The following UNC5D variants were observed in gnomAD, a reference collection of about 807,000 sequenced individuals.
UNC5D encodes the protein unc-5 netrin receptor D, also known as netrin receptor UNC5D.
A neutral mutation model predicts 105.4 loss-of-function variants in UNC5D; 39 were observed. The ratio of observed to expected loss-of-function variants is 0.37; its 90% CI spans 0.29 to 0.48. The LOEUF (loss-of-function observed/expected upper bound fraction) is 0.48, where lower values mean the gene tolerates loss of function less well. Among genes scored for constraint, UNC5D ranks in the 20% least tolerant of loss-of-function variants. The pLI is 0.98. For missense variants in UNC5D, 991 were observed against 1,202.4 expected (o/e 0.82, Z 2.60); for synonymous variants, 452 against 450.4 (o/e 1.00, Z -0.04).
intron 2 of UNC5D, among the ~76,000 whole-genome samples, chr8:35,550,673 T>A (rs576764508): frequency 6.6e-5 from 10 of 152,324 alleles, no homozygotes; most frequent in African/African-American, 2.4e-4. Flanking sequence ...ATGAATGCTA[T>A]GCAGATGAAG....
At chr8:35,566,186 T>C (rs909356232) in intron 2 of UNC5D, among the ~76,000 whole-genome samples, 2 of 152,190 alleles carry the variant, frequency 1.3e-5, no homozygotes, top group African/African-American at 4.8e-5. Context: ...GGGTTCCTCC[T>C]ACAAATTTAG....
intron 1 of UNC5D, among the ~76,000 whole-genome samples, chr8:35,333,387 C>T (rs923215144): frequency 1.3e-5 from 2 of 152,126 alleles, no homozygotes; most frequent in Non-Finnish European, 2.9e-5. Flanking sequence ...TAGATAGGCC[C>T]CTTCCAAATC....
rs561160592 is a variant in UNC5D at position 35,263,343 on chromosome 8, C to T, written c.103+27456C>T. On this transcript the variant is annotated intron_variant, in intron 1 of 16. Transcript: ENST00000404895. The stretch of plus-strand genomic sequence containing the variant: ...TCCATTTGCGCTAAATTTTGAGAGA[C>T]TGCGTTTTAGTCATCTGTGTGTAGC... 1.6e-4 allele frequency among the ~76,000 whole-genome samples: 24 copies of T among 152,284 alleles called. No individual in the cohort carries two copies. In the South Asian group the frequency reaches 4.3e-3, roughly 28 times the overall value.
At chr8:35,361,953 C>T (rs1016956355) in intron 1 of UNC5D, among the ~76,000 whole-genome samples, 2 of 152,026 alleles carry the variant, frequency 1.3e-5, no homozygotes, top group East Asian at 1.9e-4. Context: ...GGTTATTTGT[C>T]GGTGGCATCT....
intron 14 of UNC5D, among the ~76,000 whole-genome samples, chr8:35,764,631 C>G (rs927579811): frequency 4.6e-5 from 7 of 152,160 alleles, no homozygotes; most frequent in Admixed American, 3.9e-4. Flanking sequence ...GCTGCAGGAT[C>G]TACCACAGGA....
chr8:35,689,887 G>A (rs556275850), intron 7 of UNC5D, among the ~76,000 whole-genome samples: 4 of 152,268 alleles, frequency 2.6e-5, no homozygotes, highest in African/African-American at 9.6e-5. Context: ...GCCCAGTCAA[G>A]TTGGCACATA....
chr8:35,346,371 G>T (rs186092220), intron 1 of UNC5D, among the ~76,000 whole-genome samples: 1 of 151,976 alleles, frequency 6.6e-6, no homozygotes, highest in East Asian at 1.9e-4. Context: ...ATGTAAAAAC[G>T]TTGGTGATAC....
intron 1 of UNC5D, among the ~76,000 whole-genome samples, chr8:35,368,128 TG>T (rs1802230071): frequency 6.6e-6 from 1 of 152,170 alleles, no homozygotes; most frequent in South Asian, 2.1e-4. Flanking sequence ...AACTTAAACC[TG>T]GTACAACTAT....
chr8:35,560,327 G>A (rs1424481991), intron 2 of UNC5D, among the ~76,000 whole-genome samples: 2 of 152,222 alleles, frequency 1.3e-5, no homozygotes, highest in African/African-American at 4.8e-5. Context: ...AACACTGTTA[G>A]ATGAAATTCA....
At chr8:35,676,805 G>GTT (rs1825257770) in intron 4 of UNC5D, among the ~76,000 whole-genome samples, 2 of 152,134 alleles carry the variant, frequency 1.3e-5, no homozygotes, top group African/African-American at 4.8e-5. Flanking sequence ...GTAGGGCATT[G>GTT]AGCTCCTCTT....
intron 8 of UNC5D, chr8:35,721,465 G>A (rs930653545): frequency 1.7e-5 from 12 of 702,804 alleles, no homozygotes; most frequent in Non-Finnish European, 3.1e-5. Context: ...GATGGAGTAG[G>A]AGAGGTATGG....
chr8:35,623,056 C>T (rs77749777), intron 4 of UNC5D, among the ~76,000 whole-genome samples: 73 of 152,276 alleles, frequency 4.8e-4, no homozygotes, highest in African/African-American at 1.7e-3. Context: ...CAAGGTGGAA[C>T]GTCTAGAATC....
intron 1 of UNC5D, among the ~76,000 whole-genome samples, chr8:35,536,095 A>G (rs1207362842): frequency 3.3e-5 from 5 of 152,228 alleles, no homozygotes; most frequent in African/African-American, 9.6e-5. Flanking sequence ...AGGAGGAACA[A>G]TATTTTGTGC....
chr8:35,715,792 C>T (rs1400013571), intron 8 of UNC5D, among the ~76,000 whole-genome samples: 8 of 146,856 alleles, frequency 5.4e-5, no homozygotes, highest in Non-Finnish European at 1.5e-5. Flanking sequence ...CTTCAGGGAA[C>T]AGAAAAAAAA....
At chr8:35,281,847 G>A (rs1461492059) in intron 1 of UNC5D, among the ~76,000 whole-genome samples, 6 of 152,244 alleles carry the variant, frequency 3.9e-5, no homozygotes, top group Middle Eastern at 3.4e-3. Context: ...GTTGGGTTTG[G>A]TGAATAGAGT....
intron 11 of UNC5D, among the ~76,000 whole-genome samples, chr8:35,746,745 A>G (rs1830027064): frequency 6.6e-6 from 1 of 152,182 alleles, no homozygotes; most frequent in African/African-American, 2.4e-5. Context: ...AAGGAGGATG[A>G]TTCTCTGAAA....
chr8:35,248,650 ATTTATAAATAT>A (rs1803384530), intron 1 of UNC5D, among the ~76,000 whole-genome samples: 1 of 98,840 alleles, frequency 1.0e-5, no homozygotes, highest in African/African-American at 4.3e-5. Flanking sequence ...TAATATATAT[ATTTATAAATAT>A]AAATATATGT....
At chr8:35,443,035 T>C (rs1807540328) in intron 1 of UNC5D, among the ~76,000 whole-genome samples, 1 of 151,852 alleles carries the variant, frequency 6.6e-6, no homozygotes. Context: ...TAGCTTCCTC[T>C]GGGTTTACAA....
At position 35,774,284 on chromosome 8, in the gene UNC5D, T is replaced by C. The variant is rs745777883; in HGVS notation, c.2479-15T>C. The C allele has an allele frequency of 1.9e-6, 3 of 1,613,706 alleles. No individual in the cohort carries two copies. Among genetic ancestry groups the C allele is most frequent in the Non-Finnish European group, 1.7e-6 (2 of 1,179,652 alleles). ...TCAGATAGATCTGATCATGCGTTCC[T>C]TATTTTGTTTATAGAGTGAACGAGA... is the stretch of plus-strand genomic sequence containing the variant. On this transcript the variant is annotated splice_polypyrimidine_tract_variant and intron_variant, in intron 15 of 16. Coordinates refer to ENST00000404895, the MANE Select transcript of UNC5D (RefSeq NM_080872.4).
Sources: gnomAD v4.1 joint callset for allele counts (sites outside exome capture counted in the v4.1 genomes callset) on GRCh38, gnomAD v4.1.1 for gene constraint, MANE v1.5 for transcripts, NCBI Gene and HGNC (gene_info 2026-07-23, HGNC 2026-07-21) for gene names.